PRKDC: variants seen among roughly 807,000 people sequenced by gnomAD.
The protein encoded by PRKDC is DNA-dependent protein kinase catalytic subunit.
In PRKDC, 82 loss-of-function variants were observed where a neutral mutation model predicts 486.9. The observed-to-expected ratio is 0.17, with a 90% CI of 0.14 to 0.20. The LOEUF (loss-of-function observed/expected upper bound fraction) is 0.20, where lower values mean the gene tolerates loss of function less well. Ranked by LOEUF, PRKDC falls within the 10% of genes least tolerant of loss-of-function variation. The probability of loss-of-function intolerance (pLI) is 1.00; values close to 1 mark genes in which losing one functional copy is unlikely to be tolerated. For synonymous variants in PRKDC, 1,895 were observed against 1,837.0 expected (o/e 1.03, Z -0.81); for missense variants, 4,504 against 5,038.2 (o/e 0.89, Z 3.21).
intron 10 of PRKDC, 25 bp downstream of exon 10, chr8:47,943,184 T>C (rs368157953): frequency 1.2e-6 from 2 of 1,603,754 alleles, no homozygotes; most frequent in African/African-American, 1.3e-5. Context: ...GAAATATTGT[T>C]AAATGACAGT....
intron 80 of PRKDC, among the ~76,000 whole-genome samples, chr8:47,781,217 G>A (rs2086693934): frequency 6.6e-6 from 1 of 152,216 alleles, no homozygotes; most frequent in Non-Finnish European, 1.5e-5. Context: ...TCTGCAATTT[G>A]TGAGACTCCA....
chr8:47,779,630 G>GC (rs2086665754), intron 80 of PRKDC, among the ~76,000 whole-genome samples: 10 of 151,702 alleles, frequency 6.6e-5, no homozygotes, highest in Admixed American at 4.6e-4. Context: ...TAGCTCTGTC[G>GC]CCAGGCTGGA....
intron 70 of PRKDC, among the ~76,000 whole-genome samples, chr8:47,802,479 CTTTTT>C (rs547957995): frequency 7.7e-6 from 1 of 130,328 alleles, no homozygotes. Context: ...GAGGAAATGG[CTTTTT>C]TTTTTTTTTT....
intron 68 of PRKDC, among the ~76,000 whole-genome samples, chr8:47,816,917 C>T (rs1002414637): frequency 4.0e-5 from 6 of 151,858 alleles, no homozygotes; most frequent in Admixed American, 1.3e-4. Context: ...CATTTGTGTG[C>T]CATAAACCTC....
intron 52 of PRKDC, among the ~76,000 whole-genome samples, chr8:47,851,477 T>C (rs1336015687): frequency 6.6e-6 from 1 of 152,188 alleles, no homozygotes; most frequent in African/African-American, 2.4e-5. Flanking sequence ...AACAAATCCA[T>C]ACTTGGTGAC....
intron 59 of PRKDC, among the ~76,000 whole-genome samples, chr8:47,832,890 G>A (rs1015788783): frequency 6.6e-6 from 1 of 152,218 alleles, no homozygotes; most frequent in Non-Finnish European, 1.5e-5. Context: ...AGAAGATCCC[G>A]AGAGCATCCA....
chr8:47,883,865 G>A (rs1363259663), intron 36 of PRKDC, among the ~76,000 whole-genome samples: 1 of 152,202 alleles, frequency 6.6e-6, no homozygotes, highest in African/African-American at 2.4e-5. Flanking sequence ...AGGTGCCTGA[G>A]CCCCTGGGCT....
intron 4 of PRKDC, 106 bp downstream of exon 4, chr8:47,955,768 C>T (rs1307155303): frequency 5.9e-6 from 5 of 844,184 alleles, no homozygotes; most frequent in Non-Finnish European, 9.3e-6. Flanking sequence ...GTGATTAGAT[C>T]CTATCCTTCC....
chr8:47,920,561 T>C (rs542815482), intron 21 of PRKDC, among the ~76,000 whole-genome samples: 27 of 152,352 alleles, frequency 1.8e-4, no homozygotes, highest in African/African-American at 6.5e-4. Flanking sequence ...AACAGTGTTT[T>C]AAATGTGCTA....
intron 12 of PRKDC, 139 bp downstream of exon 12, chr8:47,936,214 C>T: frequency 2.1e-6 from 2 of 967,618 alleles, no homozygotes; most frequent in Non-Finnish European, 2.9e-6. Flanking sequence ...GACAATAATT[C>T]TATTGCCACA....
At chr8:47,846,534 C>T (rs2088268665) in intron 54 of PRKDC, among the ~76,000 whole-genome samples, 1 of 151,988 alleles carries the variant, frequency 6.6e-6, no homozygotes, top group Admixed American at 6.5e-5. Context: ...ATGACAAACC[C>T]ACAGCCTACA....
chr8:47,958,438 G>A (rs558410515), intron 1 of PRKDC, among the ~76,000 whole-genome samples: 3 of 152,192 alleles, frequency 2.0e-5, no homozygotes, highest in African/African-American at 7.2e-5. Flanking sequence ...GGAACTGTAA[G>A]AGTAACAGAC....
chr8:47,856,607 C>A (rs750556298), intron 49 of PRKDC, among the ~76,000 whole-genome samples: 2 of 152,076 alleles, frequency 1.3e-5, no homozygotes, highest in Non-Finnish European at 2.9e-5. Context: ...CTGTCAGTGT[C>A]CACAGTTTTA....
intron 25 of PRKDC, among the ~76,000 whole-genome samples, chr8:47,908,455 T>G (rs895855318): frequency 4.6e-5 from 7 of 152,208 alleles, no homozygotes; most frequent in African/African-American, 1.7e-4. Flanking sequence ...TATCAATACA[T>G]TAACACTTTT....
rs376591475 is a variant in PRKDC, at chr8:47,868,655, G to A, written c.5364-3892C>T. Among the ~76,000 whole-genome samples the A allele has an allele frequency of 3.9e-3, 589 of 152,236 alleles. 4 individuals are homozygous for A. Among genetic ancestry groups the A allele is most frequent in the South Asian group, 0.025 (119 of 4,816 alleles). Reference sequence around the variant, plus strand: ...GAAGCCTCCAGTGATTGTCTCCCCCGCAGAACGCCAAAATGAACAACTATC... The same window carrying A: ...GAAGCCTCCAGTGATTGTCTCCCCCACAGAACGCCAAAATGAACAACTATC... On this transcript the variant is annotated intron_variant, in intron 40 of 85. Coordinates refer to ENST00000314191, the MANE Select transcript of PRKDC (RefSeq NM_006904.7).
At chr8:47,790,761 C>T (rs2086869188) in intron 74 of PRKDC, among the ~76,000 whole-genome samples, 2 of 152,166 alleles carry the variant, frequency 1.3e-5, no homozygotes, top group African/African-American at 2.4e-5. Flanking sequence ...TAAATTCACA[C>T]ACCTGCAGTG....
chr8:47,921,157 C>A (rs540788215), intron 21 of PRKDC, among the ~76,000 whole-genome samples: 4 of 151,716 alleles, frequency 2.6e-5, no homozygotes, highest in African/African-American at 7.3e-5. Context: ...CGGGAGGCTG[C>A]GGCAGGAGAA....
rs185709180 is a variant in PRKDC at position 47,791,331 on chromosome 8, G to A, written c.10671-2093C>T. 2.8e-3 allele frequency among the ~76,000 whole-genome samples: 425 copies of A among 151,968 alleles called. 1 individual carries two copies. Among genetic ancestry groups the A allele is most frequent in the African/African-American group, 9.8e-3 (408 of 41,490 alleles). On this transcript the variant is annotated intron_variant, in intron 74 of 85. Coordinates refer to ENST00000314191, the MANE Select transcript of PRKDC (RefSeq NM_006904.7). Reference sequence around the variant, plus strand: ...CCCTACTAAAAATACAAAAATTAGCGGGGCATGGTGGCGCCTGCCTGTAAT... The same window carrying A: ...CCCTACTAAAAATACAAAAATTAGCAGGGCATGGTGGCGCCTGCCTGTAAT...
intron 19 of PRKDC, 52 bp downstream of exon 19, chr8:47,929,040 T>G: frequency 1.6e-6 from 2 of 1,269,218 alleles, no homozygotes; most frequent in Non-Finnish European, 2.2e-6. Flanking sequence ...TCAATAGATA[T>G]TCATTTAAAA....
Sources: allele counts gnomAD v4.1 joint callset (sites outside exome capture counted in the v4.1 genomes callset), GRCh38; gene constraint gnomAD v4.1.1; transcripts MANE v1.5; gene names NCBI Gene and HGNC (gene_info 2026-07-23, HGNC 2026-07-21).